Variants in AGBL1 observed in about 807,000 individuals in gnomAD.
The protein encoded by AGBL1 is AGBL carboxypeptidase 1.
A neutral mutation model predicts 118.9 loss-of-function variants in AGBL1; 130 were observed. The observed-to-expected ratio is 1.09, with a 90% CI of 0.95 to 1.26. The LOEUF is 1.26. AGBL1 is among the 50% of genes most tolerant of loss of function. AGBL1 has a pLI of 0.00. For synonymous variants in AGBL1, 555 were observed against 478.9 expected (o/e 1.16, Z -2.08); for missense variants, 1,584 against 1,298.1 (o/e 1.22, Z -3.38).
chr15:86,326,382 A>G (rs1021145265), intron 17 of AGBL1, among the ~76,000 whole-genome samples: 1 of 152,146 alleles, frequency 6.6e-6, no homozygotes, highest in African/African-American at 2.4e-5. Context: ...TTTACTTATT[A>G]TATACTTCTA....
chr15:86,155,824 T>A (rs2077181993), intron 4 of AGBL1, among the ~76,000 whole-genome samples: 1 of 152,216 alleles, frequency 6.6e-6, no homozygotes, highest in Non-Finnish European at 1.5e-5. Context: ...TAATAATGAT[T>A]ACCATTACTC....
intron 21 of AGBL1, among the ~76,000 whole-genome samples, chr15:86,661,641 A>G (rs2085542609): frequency 6.6e-6 from 1 of 152,032 alleles, no homozygotes; most frequent in Non-Finnish European, 1.5e-5. Context: ...AGAATTACCA[A>G]TTGCCACGGA....
intron 18 of AGBL1, among the ~76,000 whole-genome samples, chr15:86,467,922 A>G (rs1265604661): frequency 1.3e-5 from 2 of 152,054 alleles, no homozygotes; most frequent in Non-Finnish European, 2.9e-5. Flanking sequence ...AGCTGTTTCT[A>G]TTTGGTCATC....
chr15:86,630,123 A>G (rs2142433184), intron 21 of AGBL1: 1 of 152,318 alleles, frequency 6.6e-6, no homozygotes, highest in East Asian at 1.9e-4. Context: ...TCAGGATGCA[A>G]GTCATAGGGT....
intron 18 of AGBL1, among the ~76,000 whole-genome samples, chr15:86,472,241 G>C (rs746750006): frequency 6.6e-6 from 1 of 152,222 alleles, no homozygotes; most frequent in Non-Finnish European, 1.5e-5. Context: ...AACTAGTCCA[G>C]ATGACTAGAG....
chr15:86,271,475 A>G (rs1161989670), intron 14 of AGBL1, 144 bp from the exon 15 acceptor site: 5 of 672,746 alleles, frequency 7.4e-6, no homozygotes, highest in African/African-American at 5.4e-5. Context: ...CCTTAACTTA[A>G]TCATATCTGC....
chr15:86,478,078 A>G (rs2082589479), intron 18 of AGBL1, among the ~76,000 whole-genome samples: 2 of 152,218 alleles, frequency 1.3e-5, no homozygotes, highest in African/African-American at 4.8e-5. Context: ...GAAGGGACGT[A>G]TCTCAAAATA....
At chr15:86,420,289 G>C (rs563681742) in intron 18 of AGBL1, among the ~76,000 whole-genome samples, 1 of 152,212 alleles carries the variant, frequency 6.6e-6, no homozygotes, top group African/African-American at 2.4e-5. Flanking sequence ...AATCTTTGCT[G>C]TTCTGCAGCC....
chr15:86,637,173 A>C (rs1009285481), intron 21 of AGBL1, among the ~76,000 whole-genome samples: 1 of 152,076 alleles, frequency 6.6e-6, no homozygotes, highest in African/African-American at 2.4e-5. Context: ...CACATTACAC[A>C]ACACAGGACA....
intron 5 of AGBL1, among the ~76,000 whole-genome samples, chr15:86,210,220 T>C (rs1037758540): frequency 6.6e-6 from 1 of 152,174 alleles, no homozygotes; most frequent in African/African-American, 2.4e-5. Flanking sequence ...GTGGGTAACT[T>C]GACCTTTCTC....
chr15:86,237,328 G>A (rs1267828895), intron 6 of AGBL1, among the ~76,000 whole-genome samples: 1 of 152,164 alleles, frequency 6.6e-6, no homozygotes, highest in Non-Finnish European at 1.5e-5. Context: ...AGTGTGAACC[G>A]ATTCATGAGC....
At chr15:86,226,793 G>A (rs925585190) in intron 6 of AGBL1, among the ~76,000 whole-genome samples, 2 of 152,112 alleles carry the variant, frequency 1.3e-5, no homozygotes, top group African/African-American at 4.8e-5. Context: ...TGCCTCCTCT[G>A]AAAATCCTTT....
At chr15:86,152,373 G>A (rs187941176) in intron 3 of AGBL1, among the ~76,000 whole-genome samples, 68 of 152,146 alleles carry the variant, frequency 4.5e-4, no homozygotes, top group Middle Eastern at 6.8e-3. Flanking sequence ...CATCTACAAC[G>A]ATCTGATCTG....
rs2080323326 is a variant in AGBL1, at chr15:86,909,593, C to A, written c.*2299C>A. 1 of 152,098 alleles carries A rather than the reference C, an allele frequency of 6.6e-6. No individual in the cohort carries two copies. The highest frequency in any genetic ancestry group is 1.5e-5 in the Non-Finnish European group (1 of 68,034). The allele number at this position is 152,098 out of a possible 1,614,324, so 9.4% of individuals were successfully genotyped here. A position where few individuals can be genotyped will look rare whatever the true frequency, so the allele number is the denominator to read the frequency against. On this transcript the variant is annotated 3_prime_UTR_variant, in exon 23 of 23. Coordinates refer to ENST00000614907, the MANE Select transcript of AGBL1 (RefSeq NM_001386094.1). ...GACATGTATGTTTATGTAACATATG[C>A]AAGAAATTTGAAGACTATTAGCAAA...
intron 22 of AGBL1, among the ~76,000 whole-genome samples, chr15:86,763,442 A>G (rs1383893692): frequency 6.6e-6 from 1 of 151,952 alleles, no homozygotes; most frequent in African/African-American, 2.4e-5. Flanking sequence ...CAAAAATTAT[A>G]CTCACTTTAG....
At chr15:86,673,023 T>A (rs1187296579) in intron 21 of AGBL1, among the ~76,000 whole-genome samples, 2 of 152,170 alleles carry the variant, frequency 1.3e-5, no homozygotes, top group African/African-American at 4.8e-5. Context: ...ATTCTTATTG[T>A]CCCATTCCTG....
intron 21 of AGBL1, among the ~76,000 whole-genome samples, chr15:86,626,134 C>T (rs866136387): frequency 3.3e-5 from 5 of 152,204 alleles, no homozygotes; most frequent in South Asian, 4.1e-4. Context: ...AAATACCGTT[C>T]GACCCAGCAA....
intron 3 of AGBL1, among the ~76,000 whole-genome samples, chr15:86,146,141 T>A (rs2077030861): frequency 6.6e-6 from 1 of 152,216 alleles, no homozygotes; most frequent in South Asian, 2.1e-4. Context: ...TTTGTGCCCT[T>A]ATGTATAAAA....
chr15:86,638,430 G>A (rs139879320), intron 21 of AGBL1, among the ~76,000 whole-genome samples: 254 of 152,260 alleles, frequency 1.7e-3, no homozygotes, highest in Non-Finnish European at 2.4e-3. Context: ...CATGGGTGCC[G>A]CGTTCAGGCT....
Sources: gnomAD v4.1 joint callset for allele counts (sites outside exome capture counted in the v4.1 genomes callset) on GRCh38, gnomAD v4.1.1 for gene constraint, MANE v1.5 for transcripts, NCBI Gene and HGNC (gene_info 2026-07-23, HGNC 2026-07-21) for gene names.